CELF2: variants seen among roughly 807,000 people sequenced by gnomAD.
The protein encoded by CELF2 is CUGBP Elav-like family member 2.
A neutral mutation model predicts 62.6 loss-of-function variants in CELF2; 8 were observed. The ratio of observed to expected loss-of-function variants is 0.13; its 90% CI spans 0.07 to 0.23. CELF2 has a LOEUF of 0.23. Ranked by LOEUF, CELF2 falls within the 10% of genes least tolerant of loss-of-function variation. The probability of loss-of-function intolerance (pLI) is 1.00; values close to 1 mark genes in which losing one functional copy is unlikely to be tolerated. For missense variants in CELF2, 333 were observed against 671.0 expected (o/e 0.50, Z 5.56); for synonymous variants, 258 against 250.0 (o/e 1.03, Z -0.30).
intron 2 of CELF2, among the ~76,000 whole-genome samples, chr10:10,998,700 GT>G (rs944605601): frequency 4.6e-5 from 7 of 152,174 alleles, no homozygotes; most frequent in African/African-American, 1.2e-4. Flanking sequence ...TCTTGGGGCT[GT>G]GGCACAGTCA....
rs908420518 is a variant in CELF2, at chr10:11,335,943, A to C, written c.*6890A>C. 2.0e-5 allele frequency: 3 copies of C among 152,238 alleles called. No individual in the cohort carries two copies. Among genetic ancestry groups the C allele is most frequent in the Non-Finnish European group, 4.4e-5 (3 of 68,036 alleles). 9.4% of individuals were successfully genotyped at this position (152,238 alleles called of 1,614,324 possible). A position where few individuals can be genotyped will look rare whatever the true frequency, so the allele number is the denominator to read the frequency against. On this transcript the variant is annotated 3_prime_UTR_variant, in exon 13 of 13. Transcript: ENST00000633077. The surrounding 1 kb of genome is among the most constrained non-coding windows in gnomAD (Gnocchi z 5.0). ...AAAATGCTAGTTCCTTTAAGCACTT[A>C]CTGACTGTAAAGTTGGTCCCTGCTT...
At chr10:10,658,164 C>G in the CELF2 span, among the ~76,000 whole-genome samples, 36 of 152,220 alleles carry the variant, frequency 2.4e-4, no homozygotes, top group African/African-American at 8.7e-4. Context: ...TTTCTAAAAT[C>G]CAAATATTGA....
intron 2 of CELF2, among the ~76,000 whole-genome samples, chr10:11,174,474 G>A (rs544316383): frequency 8.8e-4 from 134 of 152,260 alleles, no homozygotes; most frequent in Middle Eastern, 3.4e-3. Context: ...CCACATTCAG[G>A]TATTAATTCA....
chr10:11,087,748 A>G (rs1019963430), intron 1 of CELF2, among the ~76,000 whole-genome samples: 1 of 152,218 alleles, frequency 6.6e-6, no homozygotes, highest in Non-Finnish European at 1.5e-5. Flanking sequence ...GTTGCTGGAT[A>G]GTGCTAGCAA....
chr10:10,753,737 T>C, the CELF2 span, among the ~76,000 whole-genome samples: 1 of 152,220 alleles, frequency 6.6e-6, no homozygotes, highest in East Asian at 1.9e-4. Context: ...CCTTAGGGAC[T>C]TGGTCACATG....
the CELF2 span, among the ~76,000 whole-genome samples, chr10:10,462,962 GT>G: frequency 6.6e-6 from 1 of 152,046 alleles, no homozygotes; most frequent in South Asian, 2.1e-4. Flanking sequence ...GATGTTACGG[GT>G]TTTAATAGGT....
At chr10:11,259,721 G>C (rs1169228705) in intron 5 of CELF2, among the ~76,000 whole-genome samples, 1 of 152,158 alleles carries the variant, frequency 6.6e-6, no homozygotes, top group South Asian at 2.1e-4. Flanking sequence ...CTTCCTAGGG[G>C]CTCAAACCAG....
rs904895233 is a variant in CELF2, at chr10:11,321,601, G to A, written c.1294+215G>A. Among the ~76,000 whole-genome samples the A allele has an allele frequency of 2.6e-5, 4 of 151,988 alleles. No homozygotes were observed. Among genetic ancestry groups the A allele is most frequent in the East Asian group, 1.9e-4 (1 of 5,192 alleles). ...CTTGGCAGGTTGAGATGGGAGGATC[G>A]CTTGAGCCCAGGAGCTGAGGCTGCA... On this transcript the variant is annotated intron_variant, in intron 11 of 12. Coordinates refer to ENST00000633077, the MANE Select transcript of CELF2 (RefSeq NM_001326342.2). This position sits in a 1 kb window ranked among gnomAD's most constrained non-coding sequence, Gnocchi z 6.2.
the CELF2 span, among the ~76,000 whole-genome samples, chr10:10,621,088 A>G: frequency 6.8e-6 from 1 of 147,800 alleles, no homozygotes; most frequent in African/African-American, 2.5e-5. Flanking sequence ...AATAATAATA[A>G]TAATAATTAG....
chr10:11,021,170 T>C (rs2058258085), intron 1 of CELF2, among the ~76,000 whole-genome samples: 1 of 152,168 alleles, frequency 6.6e-6, no homozygotes, highest in African/African-American at 2.4e-5. Context: ...AGCTAATAAA[T>C]AAAGTCTCAG....
intron 1 of CELF2, among the ~76,000 whole-genome samples, chr10:10,871,457 G>A (rs925454059): frequency 1.3e-5 from 2 of 152,172 alleles, no homozygotes; most frequent in East Asian, 3.9e-4. Context: ...AACACAGTCT[G>A]AAAAGCACAC....
intron 1 of CELF2, among the ~76,000 whole-genome samples, chr10:11,154,194 G>T (rs2063862017): frequency 1.3e-5 from 2 of 152,092 alleles, no homozygotes; most frequent in Admixed American, 1.3e-4. Context: ...TTGTTTAGGG[G>T]GTTATATCTG....
At chr10:11,250,531 C>T (rs111979867) in intron 4 of CELF2, among the ~76,000 whole-genome samples, 12 of 152,276 alleles carry the variant, frequency 7.9e-5, no homozygotes, top group African/African-American at 2.6e-4. Context: ...GTGAGCCACG[C>T]CACTCCTGTA....
chr10:11,161,538 C>T (rs2065734665), intron 1 of CELF2, among the ~76,000 whole-genome samples: 1 of 152,248 alleles, frequency 6.6e-6, no homozygotes, highest in Non-Finnish European at 1.5e-5. Context: ...CAATGTATCT[C>T]TGACTCTCAT....
At chr10:11,078,282 G>A (rs1212043126) in intron 1 of CELF2, among the ~76,000 whole-genome samples, 1 of 151,922 alleles carries the variant, frequency 6.6e-6, no homozygotes, top group Non-Finnish European at 1.5e-5. Flanking sequence ...ATGGGAAATC[G>A]AGTTCAACAA....
chr10:10,625,921 T>C, the CELF2 span, among the ~76,000 whole-genome samples: 1 of 152,098 alleles, frequency 6.6e-6, no homozygotes, highest in Non-Finnish European at 1.5e-5. Context: ...TTCTTTTTTT[T>C]TTTTTCTTCT....
chr10:11,248,011 C>T (rs1309492336), intron 3 of CELF2, among the ~76,000 whole-genome samples: 1 of 152,188 alleles, frequency 6.6e-6, no homozygotes, highest in African/African-American at 2.4e-5. Context: ...GAGCCAAGTG[C>T]CATTTCCCTT....
intron 2 of CELF2, among the ~76,000 whole-genome samples, chr10:10,971,555 A>C (rs1236788516): frequency 6.6e-6 from 1 of 151,944 alleles, no homozygotes; most frequent in African/African-American, 2.4e-5. Context: ...ATCCACATGC[A>C]TGGTTTTGTT....
chr10:11,261,653 C>T lies in CELF2; in HGVS notation c.538+3781C>T, dbSNP rs1327841386. 2.0e-5 allele frequency among the ~76,000 whole-genome samples: 3 copies of T among 152,172 alleles called. No individual in the cohort carries two copies. In the East Asian group the frequency reaches 5.8e-4, roughly 29 times the overall value. Reference sequence around the variant, plus strand: ...GCCATATCTCAGTATGCGTTTCTCCCTTTGGGGAAGTAACCCATTCTGCCA... The same window carrying T: ...GCCATATCTCAGTATGCGTTTCTCCTTTTGGGGAAGTAACCCATTCTGCCA... On this transcript the variant is annotated intron_variant, in intron 5 of 12. Coordinates refer to ENST00000633077, the MANE Select transcript of CELF2 (RefSeq NM_001326342.2).
Sources: gnomAD v4.1 joint callset for allele counts (sites outside exome capture counted in the v4.1 genomes callset) on GRCh38, gnomAD v4.1.1 for gene constraint, Gnocchi (gnomAD v3.1) non-coding constraint, MANE v1.5 for transcripts, NCBI Gene and HGNC (gene_info 2026-07-23, HGNC 2026-07-21) for gene names.